IPP: variants seen among roughly 807,000 people sequenced by gnomAD.
The protein encoded by IPP is actin-binding protein IPP.
A neutral mutation model predicts 64.1 loss-of-function variants in IPP; 41 were observed. The observed-to-expected ratio is 0.64, with a 90% CI of 0.50 to 0.83. IPP has a LOEUF of 0.83. Among genes scored for constraint, IPP ranks in the 40% least tolerant of loss-of-function variants. The pLI is 0.00. For missense variants in IPP, 649 were observed against 703.0 expected, an observed-to-expected ratio of 0.92 and a Z score of 0.87; for synonymous variants, 214 against 235.2, an observed-to-expected ratio of 0.91 and a Z score of 0.83.
chr1:45,740,543 C>T lies in IPP; in HGVS notation c.724+358G>A, dbSNP rs561964314. Reference sequence around the variant, plus strand: ...CTCCCAGACAGGGCGGCTGGCCGGGCGGGGGGCTGACCCCCCCTAGGAAAT... The same window carrying T: ...CTCCCAGACAGGGCGGCTGGCCGGGTGGGGGGCTGACCCCCCCTAGGAAAT... On this transcript the variant is annotated intron_variant, in intron 3 of 8. Coordinates refer to ENST00000396478, the MANE Select transcript of IPP (RefSeq NM_005897.3). Among the ~76,000 whole-genome samples the T allele has an allele frequency of 2.6e-5, 4 of 151,818 alleles. No homozygotes were observed. The East Asian group carries it at 7.7e-4, about 29-fold the overall frequency.
downstream of IPP, among the ~76,000 whole-genome samples, chr1:45,696,326 A>C (rs1645387981): frequency 6.6e-6 from 1 of 152,250 alleles, no homozygotes; most frequent in South Asian, 2.1e-4. Flanking sequence ...CTCAAAAAAC[A>C]GAATTAAATG....
At position 45,725,959 on chromosome 1, in the gene IPP, C is replaced by T. The variant is rs1438962412; in HGVS notation, c.1048+1672G>A. On this transcript the variant is annotated intron_variant, in intron 5 of 8. Coordinates refer to ENST00000396478, the MANE Select transcript of IPP (RefSeq NM_005897.3). ...CAGGGACACAAACACTGCGGAAGGC[C>T]GCAGGGTCCTCTGCCTAGGAAAACC... Among the ~76,000 whole-genome samples the T allele has an allele frequency of 7.5e-5, 7 of 92,872 alleles. No homozygotes were observed. In the South Asian group the frequency reaches 1.3e-3, roughly 17 times the overall value. 60.9% of individuals were successfully genotyped at this position (92,872 alleles called of 152,430 possible).
At chr1:45,697,119 A>G (rs1645394193), downstream of IPP, 1 of 152,226 alleles carries the variant, frequency 6.6e-6, no homozygotes, top group African/African-American at 2.4e-5. Flanking sequence ...GACATCTGTG[A>G]CCCTTCAGAC....
At chr1:45,720,613 T>C (rs1228180187) in intron 5 of IPP, among the ~76,000 whole-genome samples, 1 of 152,060 alleles carries the variant, frequency 6.6e-6, no homozygotes, top group Non-Finnish European at 1.5e-5. Flanking sequence ...TCATCATATA[T>C]CAAGACATAT....
chr1:45,699,666 AT>A lies in IPP; in HGVS notation c.*299del, dbSNP rs1006241163. ...TTTTAGAAAAATCATTCTTGAGTTT[AT>A]TTTTTTTCTTTAAGAGACAGGATCT... On this transcript the variant is annotated 3_prime_UTR_variant, in exon 9 of 9. Coordinates refer to ENST00000396478, the MANE Select transcript of IPP (RefSeq NM_005897.3). 1.2e-5 allele frequency: 13 copies of A among 1,085,872 alleles called. No individual in the cohort carries two copies. Among genetic ancestry groups the A allele is most frequent in the East Asian group, 5.1e-5 (1 of 19,432 alleles). 67.3% of individuals were successfully genotyped at this position (1,085,872 alleles called of 1,614,324 possible). A position where few individuals can be genotyped will look rare whatever the true frequency, so the allele number is the denominator to read the frequency against.
In IPP at chr1:45,714,326, T is replaced by C. The variant is rs775295472; in HGVS notation, c.1450A>G (p.Asn484Asp). The change falls in exon 8 of 9, where the codon AAT becomes GAT. Residue 484 changes from asparagine to aspartate, a missense_variant. Asn to Asp is a conservative substitution (Grantham distance 23). Transcript: ENST00000396478. ...RRAYLGVAAL[N>D]DCIYSVGGWN... is the part of the protein sequence containing the mutation. ...CCTCCAACAGAATAGATGCAGTCAT[T>C]GAGTGCAGCCACACCAAGATATGCT... is the stretch of plus-strand genomic sequence containing the variant. 9.9e-6 allele frequency: 16 copies of C among 1,614,074 alleles called. No homozygotes were observed. Among genetic ancestry groups the C allele is most frequent in the Non-Finnish European group, 1.3e-5 (15 of 1,180,004 alleles).
chr1:45,737,017 TG>T (rs1388851340), intron 3 of IPP, among the ~76,000 whole-genome samples: 1 of 119,852 alleles, frequency 8.3e-6, no homozygotes, highest in Non-Finnish European at 1.6e-5. Context: ...CACTCCAGCC[TG>T]GGCGACAGAG....
At chr1:45,733,746 C>T (rs1645941288) in intron 3 of IPP, among the ~76,000 whole-genome samples, 1 of 151,182 alleles carries the variant, frequency 6.6e-6, no homozygotes, top group African/African-American at 2.4e-5. Context: ...GCAGGAGAAT[C>T]GATTGAACCT....
intron 8 of IPP, among the ~76,000 whole-genome samples, chr1:45,713,613 G>A (rs1230297898): frequency 2.0e-5 from 3 of 151,974 alleles, no homozygotes; most frequent in African/African-American, 7.3e-5. Context: ...TACCGAGGCT[G>A]GAGCACAATG....
chr1:45,695,514 G>A (rs189558891), downstream of IPP, among the ~76,000 whole-genome samples: 101 of 152,180 alleles, frequency 6.6e-4, no homozygotes, highest in East Asian at 0.018. Flanking sequence ...ACTTGAAAAC[G>A]TAGTCTCTAA....
chr1:45,733,479 A>AC (rs1032888197), intron 3 of IPP, among the ~76,000 whole-genome samples: 90 of 151,396 alleles, frequency 5.9e-4, no homozygotes, highest in Middle Eastern at 3.4e-3. Context: ...TTAAAAAAAA[A>AC]AACCCCAAAA....
rs1645420145 is a variant in IPP at position 45,699,504 on chromosome 1, T to G, written c.*462A>C. 10 of 988,078 alleles carry G rather than the reference T, an allele frequency of 1.0e-5. No individual in the cohort carries two copies. In the South Asian group the frequency reaches 4.6e-4, roughly 46 times the overall value. The allele number at this position is 988,078 out of a possible 1,614,324, so 61.2% of individuals were successfully genotyped here. On this transcript the variant is annotated 3_prime_UTR_variant, in exon 9 of 9. Transcript: ENST00000396478. Reference sequence around the variant, plus strand: ...CTTCTAGTAAATAATTTCTACAAATTTGTAAAATAGGAGTTGTCTACACTT... The same window carrying G: ...CTTCTAGTAAATAATTTCTACAAATGTGTAAAATAGGAGTTGTCTACACTT...
At chr1:45,749,219 A>G (rs1646182439) in intron 1 of IPP, among the ~76,000 whole-genome samples, 1 of 152,168 alleles carries the variant, frequency 6.6e-6, no homozygotes, top group African/African-American at 2.4e-5. Flanking sequence ...AGTTGACTGA[A>G]TATCCATTCG....
chr1:45,744,734 G>C (rs1646112157), intron 2 of IPP, among the ~76,000 whole-genome samples: 1 of 151,972 alleles, frequency 6.6e-6, no homozygotes, highest in East Asian at 1.9e-4. Flanking sequence ...AGCTACTCGG[G>C]AGGCTGAGGC....
At chr1:45,727,983 CTCAG>C (rs1645854489) in intron 4 of IPP, among the ~76,000 whole-genome samples, 185 bp from the exon 5 acceptor site, 1 of 151,970 alleles carries the variant, frequency 6.6e-6, no homozygotes, top group African/African-American at 2.4e-5. Context: ...GAAGGTTAGC[CTCAG>C]TGTTTTACCA....
chr1:45,715,806 C>T (rs1261748010), intron 7 of IPP, among the ~76,000 whole-genome samples: 2 of 152,038 alleles, frequency 1.3e-5, no homozygotes, highest in Non-Finnish European at 2.9e-5. Flanking sequence ...TTCAAAGATC[C>T]CTTTCTAGCT....
At chr1:45,698,611 A>C (rs1175495323), downstream of IPP, 3 of 893,586 alleles carry the variant, frequency 3.4e-6, no homozygotes, top group African/African-American at 5.4e-5. Flanking sequence ...GCCCAAGTAC[A>C]AATAAATTTT....
intron 3 of IPP, among the ~76,000 whole-genome samples, chr1:45,733,212 G>A (rs1048662534): frequency 1.3e-4 from 20 of 151,138 alleles, no homozygotes; most frequent in Admixed American, 3.3e-4. Context: ...AGATCACAAG[G>A]TCAGGAGTTC....
At chr1:45,728,834 G>T (rs1427775726) in intron 4 of IPP, among the ~76,000 whole-genome samples, 1 of 152,036 alleles carries the variant, frequency 6.6e-6, no homozygotes, top group African/African-American at 2.4e-5. Flanking sequence ...ATGAAAAGAA[G>T]TTGTAATATG....
Sources: gnomAD v4.1 joint callset for allele counts (sites outside exome capture counted in the v4.1 genomes callset) on GRCh38, gnomAD v4.1.1 for gene constraint, MANE v1.5 for transcripts, NCBI Gene and HGNC (gene_info 2026-07-23, HGNC 2026-07-21) for gene names.